The following FAM184A variants were observed in gnomAD, a reference collection of about 807,000 sequenced individuals.
FAM184A encodes the protein family with sequence similarity 184 member A.
Under a neutral mutation model 143.8 loss-of-function variants are expected in FAM184A, and 99 were observed. That is an observed-to-expected ratio of 0.69 (90% confidence interval 0.58 to 0.81). The LOEUF (loss-of-function observed/expected upper bound fraction) is 0.81. FAM184A is among the 40% of genes least tolerant of loss of function. The probability of loss-of-function intolerance (pLI) is 0.00; values close to 1 mark genes in which losing one functional copy is unlikely to be tolerated. For missense variants in FAM184A, 1,217 were observed against 1,310.5 expected (o/e 0.93, Z 1.10); for synonymous variants, 427 against 446.4 (o/e 0.96, Z 0.55).
chr6:118,991,695 T>C (rs546879062), intron 9 of FAM184A, among the ~76,000 whole-genome samples: 39 of 144,944 alleles, frequency 2.7e-4, no homozygotes, highest in Admixed American at 1.2e-3. Context: ...AGTAGGACAG[T>C]GAGAGTCGGA....
rs1207113232 is a variant in FAM184A at position 119,023,011 on chromosome 6, C to T, written c.1084G>A (p.Glu362Lys). ...TCTCTGGCAGCTGCTAGCTCACTTT[C>T]CACTTCTTTGTGCTTGCTTAATAGG... is the stretch of plus-strand genomic sequence containing the variant. ...MALLSKHKEV[E>K]SELAAARERL... Residue 362 changes from glutamate to lysine, a missense_variant, in exon 3 of 18, where the codon GAA becomes AAA. Coordinates refer to ENST00000338891, the MANE Select transcript of FAM184A (RefSeq NM_024581.6). 1 of 1,614,192 alleles carries T rather than the reference C, an allele frequency of 6.2e-7. No individual in the cohort carries two copies. Among genetic ancestry groups the T allele is most frequent in the Admixed American group, 1.7e-5 (1 of 60,028 alleles).
chr6:119,122,169 G>A (rs73518235), intron 1 of FAM184A, among the ~76,000 whole-genome samples: 122 of 152,232 alleles, frequency 8.0e-4, no homozygotes, highest in African/African-American at 2.7e-3. Flanking sequence ...GATCTTTCTA[G>A]AAGCACTACA....
chr6:119,004,926 T>G (rs1171504132), intron 7 of FAM184A, among the ~76,000 whole-genome samples: 1 of 152,164 alleles, frequency 6.6e-6, no homozygotes, highest in Non-Finnish European at 1.5e-5. Context: ...AGTCAGGAAC[T>G]GGGTGCGCAC....
chr6:119,025,378 A>G (rs1785594417), intron 1 of FAM184A: 2 of 503,046 alleles, frequency 4.0e-6, no homozygotes, highest in Admixed American at 4.1e-5. Context: ...TCTAAAGCTG[A>G]TCCTCTTCTC....
At chr6:119,046,929 A>T (rs1197256742) in intron 1 of FAM184A, among the ~76,000 whole-genome samples, 1 of 152,248 alleles carries the variant, frequency 6.6e-6, no homozygotes, top group African/African-American at 2.4e-5. Context: ...GATATAATCA[A>T]CCAAGTGAAG....
chr6:119,099,329 A>G (rs1370237911), intron 1 of FAM184A, among the ~76,000 whole-genome samples: 2 of 152,066 alleles, frequency 1.3e-5, no homozygotes, highest in African/African-American at 4.8e-5. Flanking sequence ...CTTTCTTGCC[A>G]ATTGTTTTAA....
chr6:119,016,764 T>C lies in FAM184A; in HGVS notation c.1513A>G (p.Lys505Glu), dbSNP rs779813461. 31 of 1,613,272 alleles carry C rather than the reference T, an allele frequency of 1.9e-5. No homozygotes were observed. The highest frequency in any genetic ancestry group is 1.1e-5 in the South Asian group (1 of 90,904). ...TTACTCACCATTTGCAGTTTTTTCT[T>C]ATCCCTAATTGCATTACTGTGGACA... is the stretch of plus-strand genomic sequence containing the variant. ...EAVHSNAIRD[K>E]KKLQMDLEEQ... Residue 505 changes from lysine (K) to glutamate (E), a missense_variant, in exon 5 of 18, where the codon AAG (lysine) becomes GAG (glutamate). Transcript: ENST00000338891.
At chr6:119,028,069 C>T (rs577941986) in intron 1 of FAM184A, among the ~76,000 whole-genome samples, 1 of 152,296 alleles carries the variant, frequency 6.6e-6, no homozygotes, top group Non-Finnish European at 1.5e-5. Context: ...CCTGTAGCTT[C>T]TGCTTTCTTG....
intron 1 of FAM184A, among the ~76,000 whole-genome samples, chr6:119,050,804 T>G (rs1160922901): frequency 2.1e-5 from 3 of 145,144 alleles, no homozygotes; most frequent in Non-Finnish European, 4.5e-5. Flanking sequence ...AGAGCGAGAC[T>G]CCGTCTCAAA....
rs546216550 is a variant in FAM184A at position 119,007,366 on chromosome 6, T to A, written c.1654-758A>T. Among the ~76,000 whole-genome samples, 12 of 151,884 alleles carry A rather than the reference T, an allele frequency of 7.9e-5. 1 individual carries two copies. Among genetic ancestry groups the A allele is most frequent in the African/African-American group, 2.9e-4 (12 of 41,450 alleles). The stretch of plus-strand genomic sequence containing the variant: ...TATTTTTCCTTGTAAATACAGACAT[T>A]ACAAAAAAAAAATACAAAAATTCTC... On this transcript the variant is annotated intron_variant, in intron 6 of 17. Coordinates refer to ENST00000338891, the MANE Select transcript of FAM184A (RefSeq NM_024581.6).
At position 118,975,146 on chromosome 6, in the gene FAM184A, G is replaced by A; in HGVS notation, c.2646C>T (p.His882=). ...GAACCTCCTTATCCAATTCAGAGAT[G>A]TGATGCTCTCTGTGTCTTAATTCCT... ...LQEELRHREH[H]ISELDKEVQH... is the part of the protein sequence containing the mutation. The change falls in exon 13 of 18, where the codon CAC becomes CAT. Residue 882 remains histidine (H), a synonymous_variant. Transcript: ENST00000338891. The A allele has an allele frequency of 6.2e-7, 1 of 1,611,788 alleles. No homozygotes were observed. The highest frequency in any genetic ancestry group is 8.5e-7 in the Non-Finnish European group (1 of 1,178,504).
At chr6:119,004,217 T>C (rs1488514688) in intron 7 of FAM184A, among the ~76,000 whole-genome samples, 1 of 152,192 alleles carries the variant, frequency 6.6e-6, no homozygotes, top group Non-Finnish European at 1.5e-5. Flanking sequence ...AGAGGTGACC[T>C]GTTTGGACAA....
At chr6:119,097,693 A>T (rs1269611787) in intron 1 of FAM184A, among the ~76,000 whole-genome samples, 1 of 152,118 alleles carries the variant, frequency 6.6e-6, no homozygotes, top group African/African-American at 2.4e-5. Flanking sequence ...AAAAGGTAAA[A>T]GGTAGTCTTT....
In FAM184A at chr6:119,006,600, G is replaced by A. The variant is rs770902577; in HGVS notation, c.1662C>T (p.His554=). The A allele has an allele frequency of 6.2e-7, 1 of 1,610,452 alleles. No homozygotes were observed. Among genetic ancestry groups the A allele is most frequent in the Non-Finnish European group, 8.5e-7 (1 of 1,178,466 alleles). Residue 554 remains histidine (H), a synonymous_variant, in exon 7 of 18, where the codon CAC becomes CAT. Transcript: ENST00000338891. The part of the protein sequence containing the change: ...KLNTANQEIG[H]LQDMVRKSEQ... ...CACTTTTCCTTACCATATCTTGGAG[G>A]TGGCCAATCTGTAAGTAAATAGAGT...
At chr6:118,977,031 C>T (rs186763311) in intron 11 of FAM184A, among the ~76,000 whole-genome samples, 6 of 152,210 alleles carry the variant, frequency 3.9e-5, no homozygotes, top group African/African-American at 4.8e-5. Flanking sequence ...ACCCAGCAAC[C>T]GCACTCCTAG....
intron 9 of FAM184A, among the ~76,000 whole-genome samples, chr6:118,989,394 AT>A (rs368471864): frequency 6.9e-6 from 1 of 144,872 alleles, no homozygotes; most frequent in African/African-American, 2.5e-5. Flanking sequence ...ACAAAATAAT[AT>A]TTTTATTTAT....
rs1371772212 is a variant in FAM184A at position 119,102,805 on chromosome 6, AAAGAAAAG to A, written c.-202+46265_-202+46272del. Among the ~76,000 whole-genome samples, 1,050 of 144,664 alleles carry A rather than the reference AAAGAAAAG, an allele frequency of 7.3e-3. 10 individuals carry two copies. Among genetic ancestry groups the A allele is most frequent in the Non-Finnish European group, 0.012 (806 of 65,728 alleles). 94.9% of individuals were successfully genotyped at this position (144,664 alleles called of 152,430 possible). ...ATCTCAAAAAAAAAAAAAAAAAAAA[AAAGAAAAG>A]AAAAAAGAAAAGAAAATATCACTAA... On this transcript the variant is annotated intron_variant, in intron 1 of 16. Coordinates refer to the FAM184A transcript ENST00000352896.
rs1562135354 is a variant in FAM184A at position 119,065,754 on chromosome 6, A to ATCTGAGATTTCTCAAATCTCCTCCTCAGG, written c.159+12386_159+12387insCCTGAGGAGGAGATTTGAGAAATCTCAGA. Among the ~76,000 whole-genome samples, 778 of 152,242 alleles carry ATCTGAGATTTCTCAAATCTCCTCCTCAGG rather than the reference A, an allele frequency of 5.1e-3. 9 individuals carry two copies. The highest frequency in any genetic ancestry group is 0.018 in the African/African-American group (749 of 41,534). ...GAGATTTCTCAAATCTCCTCCTCAG[A>ATCTGAGATTTCTCAAATCTCCTCCTCAGG]TTTGATATTTCTCAAATCTCCTATC... On this transcript the variant is annotated intron_variant, in intron 1 of 17. Coordinates refer to ENST00000338891, the MANE Select transcript of FAM184A (RefSeq NM_024581.6).
intron 14 of FAM184A, among the ~76,000 whole-genome samples, chr6:118,970,994 A>G (rs1337798458): frequency 1.3e-5 from 2 of 152,216 alleles, no homozygotes; most frequent in African/African-American, 2.4e-5. Context: ...ATGGTATACT[A>G]TTGTTTCATA....
Sources: allele counts gnomAD v4.1 joint callset (sites outside exome capture counted in the v4.1 genomes callset), GRCh38; gene constraint gnomAD v4.1.1; transcripts MANE v1.5; gene names NCBI Gene and HGNC (gene_info 2026-07-23, HGNC 2026-07-21).